PGM1: variants seen among roughly 807,000 people sequenced by gnomAD.
PGM1 encodes the protein phosphoglucomutase-1.
Under a neutral mutation model 55.6 loss-of-function variants are expected in PGM1, and 52 were observed. The observed-to-expected ratio is 0.94, with a 90% CI of 0.75 to 1.18. The LOEUF (loss-of-function observed/expected upper bound fraction) is 1.18. Ranked by LOEUF, PGM1 falls within the 50% of genes most tolerant of loss-of-function variation. The pLI is 0.00. For missense variants in PGM1, 724 were observed against 729.3 expected (o/e 0.99, Z 0.08); for synonymous variants, 287 against 271.7 (o/e 1.06, Z -0.55).
At chr1:63,645,548 G>A (rs942451473) in intron 7 of PGM1, among the ~76,000 whole-genome samples, 4 of 152,198 alleles carry the variant, frequency 2.6e-5, no homozygotes, top group Non-Finnish European at 4.4e-5. Context: ...TGCAAAAGCC[G>A]TAAGAGCCAG....
chr1:63,656,636 A>C (rs2101005360), intron 10 of PGM1, among the ~76,000 whole-genome samples: 1 of 151,972 alleles, frequency 6.6e-6, no homozygotes. Flanking sequence ...ATTCTGCCTT[A>C]AAACAACAAA....
At chr1:63,616,610 C>T (rs1291312809) in intron 1 of PGM1, among the ~76,000 whole-genome samples, 2 of 152,150 alleles carry the variant, frequency 1.3e-5, no homozygotes, top group African/African-American at 2.4e-5. Flanking sequence ...TACAACACAT[C>T]GGTCTATATA....
At chr1:63,593,918 C>T (rs1462356447) in intron 1 of PGM1, 184 bp downstream of exon 1, 1 of 1,241,996 alleles carries the variant, frequency 8.1e-7, no homozygotes, top group African/African-American at 1.6e-5. Flanking sequence ...GGTCGCCGGG[C>T]TGGGGAAAGT....
chr1:63,630,103 C>A lies in PGM1; in HGVS notation c.556+15C>A. 6.2e-7 allele frequency: 1 copy of A among 1,612,590 alleles called. No homozygotes were observed. The highest frequency in any genetic ancestry group is 8.5e-7 in the Non-Finnish European group (1 of 1,178,618). On this transcript the variant is annotated intron_variant, in intron 3 of 10. Coordinates refer to ENST00000371084, the MANE Select transcript of PGM1 (RefSeq NM_002633.3). Reference sequence around the variant, plus strand: ...ACCCTTCACAGGCATGTTTACTTTCCTCCTCTTTCTGCCCACTCCTATTTC... The same window carrying A: ...ACCCTTCACAGGCATGTTTACTTTCATCCTCTTTCTGCCCACTCCTATTTC...
chr1:63,595,329 A>C (rs1260420142), intron 1 of PGM1, among the ~76,000 whole-genome samples: 1 of 152,220 alleles, frequency 6.6e-6, no homozygotes, highest in Admixed American at 6.5e-5. Context: ...TACAAAAACT[A>C]TAATGGCAGC....
At chr1:63,628,163 G>T (rs1649089592) in intron 1 of PGM1, among the ~76,000 whole-genome samples, 1 of 152,194 alleles carries the variant, frequency 6.6e-6, no homozygotes, top group Admixed American at 6.5e-5. Flanking sequence ...GCACTCTGTA[G>T]CTCAGTAACA....
chr1:63,593,433 G>A lies in PGM1; in HGVS notation c.-56G>A, dbSNP rs1647921887. 4 of 1,609,910 alleles carry A rather than the reference G, an allele frequency of 2.5e-6. No homozygotes were observed. In the East Asian group the frequency reaches 6.7e-5, roughly 27 times the overall value. On this transcript the variant is annotated 5_prime_UTR_variant, in exon 1 of 11. Coordinates refer to ENST00000371084, the MANE Select transcript of PGM1 (RefSeq NM_002633.3). ...CCCAGAGCAGCTGCAGCCTCAGCCG[G>A]CCGCCCCTCCGCCAGCCAAGTCCGC...
chr1:63,616,061 C>T (rs905436632), intron 1 of PGM1, among the ~76,000 whole-genome samples: 3 of 151,880 alleles, frequency 2.0e-5, no homozygotes, highest in Admixed American at 2.0e-4. Flanking sequence ...TAAAGCGATT[C>T]CTTAACTGGT....
intron 9 of PGM1, 61 bp downstream of exon 9, chr1:63,651,913 A>C: frequency 1.4e-5 from 21 of 1,476,864 alleles, no homozygotes; most frequent in Non-Finnish European, 1.7e-5. Context: ...CTGACATCTC[A>C]AGGGAAAAAT....
chr1:63,629,184 C>A (rs1649121184), intron 1 of PGM1, among the ~76,000 whole-genome samples: 1 of 152,186 alleles, frequency 6.6e-6, no homozygotes, highest in African/African-American at 2.4e-5. Flanking sequence ...AGACCACACA[C>A]TTCTAAAACT....
intron 1 of PGM1, among the ~76,000 whole-genome samples, chr1:63,605,468 G>A (rs1488599635): frequency 6.6e-6 from 1 of 152,308 alleles, no homozygotes; most frequent in African/African-American, 2.4e-5. Context: ...CTTGAGACAG[G>A]TGGAAAAGAT....
intron 7 of PGM1, among the ~76,000 whole-genome samples, chr1:63,640,076 C>T (rs763835054): frequency 3.3e-5 from 5 of 152,154 alleles, no homozygotes; most frequent in Admixed American, 6.5e-5. Flanking sequence ...GGGCATGGTG[C>T]CATGCTATTC....
chr1:63,656,107 G>A (rs1235165056), intron 10 of PGM1: 1 of 152,212 alleles, frequency 6.6e-6, no homozygotes, highest in African/African-American at 2.4e-5. Context: ...AAAGGTGCCT[G>A]TTTACATAGC....
intron 3 of PGM1, among the ~76,000 whole-genome samples, 200 bp from the exon 4 acceptor site, chr1:63,631,457 A>G (rs1271348891): frequency 6.6e-6 from 1 of 152,236 alleles, no homozygotes; most frequent in Non-Finnish European, 1.5e-5. Flanking sequence ...TTTACCTCTC[A>G]GGAAAATTGT....
intron 1 of PGM1, among the ~76,000 whole-genome samples, chr1:63,616,947 A>C (rs945586267): frequency 1.3e-5 from 2 of 152,220 alleles, no homozygotes; most frequent in African/African-American, 4.8e-5. Context: ...GATTCAGAGC[A>C]GTGCTAAAGG....
chr1:63,615,965 G>GC (rs1199569033), intron 1 of PGM1, among the ~76,000 whole-genome samples: 3 of 152,024 alleles, frequency 2.0e-5, no homozygotes, highest in Admixed American at 6.6e-5. Flanking sequence ...GTGAAGCACT[G>GC]CCCCTTACGA....
At chr1:63,638,027 A>G (rs1456112518) in intron 6 of PGM1, among the ~76,000 whole-genome samples, 1 of 152,016 alleles carries the variant, frequency 6.6e-6, no homozygotes, top group African/African-American at 2.4e-5. Flanking sequence ...AGTCACTCAG[A>G]GGTTTTAAAT....
intron 1 of PGM1, chr1:63,594,254 C>A: frequency 4.0e-6 from 2 of 502,866 alleles, no homozygotes; most frequent in Non-Finnish European, 5.1e-6. Context: ...CACTGTGGGG[C>A]AAGGGTGGCG....
intron 1 of PGM1, among the ~76,000 whole-genome samples, chr1:63,600,898 G>A (rs1479935478): frequency 6.6e-6 from 1 of 151,988 alleles, no homozygotes; most frequent in African/African-American, 2.4e-5. Flanking sequence ...ATTTATCTTG[G>A]GATAATAAGA....
Sources: allele counts gnomAD v4.1 joint callset (sites outside exome capture counted in the v4.1 genomes callset), GRCh38; gene constraint gnomAD v4.1.1; transcripts MANE v1.5; gene names NCBI Gene and HGNC (gene_info 2026-07-23, HGNC 2026-07-21).